Variants in PTPRB observed in about 807,000 individuals in gnomAD.
PTPRB encodes receptor-type tyrosine-protein phosphatase beta.
Under a neutral mutation model 238.1 loss-of-function variants are expected in PTPRB, and 97 were observed. The observed-to-expected ratio is 0.41, with a 90% CI of 0.35 to 0.48. PTPRB has a LOEUF of 0.48. PTPRB is among the 20% of genes least tolerant of loss of function. PTPRB has a pLI of 0.30. For missense variants in PTPRB, 2,292 were observed against 2,681.9 expected (o/e 0.85, Z 3.21); for synonymous variants, 970 against 995.4 (o/e 0.97, Z 0.48).
At chr12:70,634,329 T>C (rs1005301742) in intron 2 of PTPRB, among the ~76,000 whole-genome samples, 1 of 152,166 alleles carries the variant, frequency 6.6e-6, no homozygotes, top group Non-Finnish European at 1.5e-5. Flanking sequence ...TGGATCAAAA[T>C]TTTCTGGTGA....
rs750897734 is a variant in PTPRB at position 70,566,633 on chromosome 12, T to C, written c.3706A>G (p.Lys1236Glu). 11 of 1,614,038 alleles carry C rather than the reference T, an allele frequency of 6.8e-6. No homozygotes were observed. In the South Asian group the frequency reaches 7.7e-5, roughly 11 times the overall value. Residue 1236 changes from lysine (K) to glutamate (E), a missense_variant, in exon 15 of 34, where the codon AAA becomes GAA. By Grantham distance (56) the Lys-to-Glu change is moderately conservative (BLOSUM62 1). Around this residue, in one of 4 missense-constraint regions of PTPRB, gnomAD observed 683 missense variants for 862.0 expected, o/e 0.79. Coordinates refer to ENST00000334414, the MANE Select transcript of PTPRB (RefSeq NM_001109754.4). ...SSYSLIVSWQ[K>E]AAGVAERYDI... ...TATCTTTCTGCCACACCAGCAGCTT[T>C]TTGCCAACTTACTATTAAGGAATAA...
At chr12:70,583,237 CA>C (rs1003862451) in intron 9 of PTPRB, among the ~76,000 whole-genome samples, 9 of 152,050 alleles carry the variant, frequency 5.9e-5, no homozygotes, top group African/African-American at 2.2e-4. Context: ...AGGTCTAAAA[CA>C]ATGTCTTGGA....
At chr12:70,610,894 A>G (rs942223156) in intron 3 of PTPRB, among the ~76,000 whole-genome samples, 1 of 152,206 alleles carries the variant, frequency 6.6e-6, no homozygotes, top group African/African-American at 2.4e-5. Flanking sequence ...AGTTAAAAAA[A>G]AAATGGCATT....
chr12:70,612,312 A>G (rs893498174), intron 3 of PTPRB, among the ~76,000 whole-genome samples: 2 of 152,250 alleles, frequency 1.3e-5, no homozygotes, highest in Admixed American at 1.3e-4. Context: ...ACTTAACATG[A>G]GAAATCCAAG....
chr12:70,570,072 C>T, intron 13 of PTPRB, 134 bp from the exon 14 acceptor site: 1 of 850,294 alleles, frequency 1.2e-6, no homozygotes, highest in Non-Finnish European at 1.8e-6. Flanking sequence ...TAACAATTTG[C>T]CACTTTTCTC....
At chr12:70,590,286 T>C in intron 7 of PTPRB, 53 bp from the exon 8 acceptor site, 9 of 1,471,852 alleles carry the variant, frequency 6.1e-6, no homozygotes, top group Non-Finnish European at 7.3e-6. Context: ...AAAGTAAGGA[T>C]ACTCATTTAC....
At position 70,609,314 on chromosome 12, in the gene PTPRB, C is replaced by A; in HGVS notation, c.734G>T (p.Cys245Phe). The A allele has an allele frequency of 6.2e-7, 1 of 1,614,012 alleles. No individual in the cohort carries two copies. The highest frequency in any genetic ancestry group is 8.5e-7 in the Non-Finnish European group (1 of 1,179,886). The change falls in exon 4 of 34, where the codon TGT becomes TTT. Residue 245 changes from cysteine (C) to phenylalanine (F), a missense_variant. Cys to Phe is a radical substitution (Grantham distance 205). Coordinates refer to ENST00000334414, the MANE Select transcript of PTPRB (RefSeq NM_001109754.4). ...EETGLAEPER[C>F]NFTLAESKAS... Reference sequence around the variant, plus strand: ...CTTGGACTCCGCCAGGGTGAAGTTACATCTCTCTGGCTCCGCCAGTCCAGT... The same window carrying A: ...CTTGGACTCCGCCAGGGTGAAGTTAAATCTCTCTGGCTCCGCCAGTCCAGT...
At chr12:70,597,079 G>A (rs1038749127) in intron 4 of PTPRB, among the ~76,000 whole-genome samples, 6 of 151,642 alleles carry the variant, frequency 4.0e-5, no homozygotes, top group Non-Finnish European at 7.4e-5. Context: ...CACTGTGTCC[G>A]GTGAATTTTT....
chr12:70,544,553 T>G lies in PTPRB; in HGVS notation c.5494+4A>C. 6 of 1,598,098 alleles carry G rather than the reference T, an allele frequency of 3.8e-6. No homozygotes were observed. Among genetic ancestry groups the G allele is most frequent in the Non-Finnish European group, 5.1e-6 (6 of 1,166,294 alleles). ...GTAGAACATGATGTAAAGGTTAGCCTTACCTGATTCAGTAGTGATGGGTAA... is the reference window on the plus strand; with the variant it reads ...GTAGAACATGATGTAAAGGTTAGCCGTACCTGATTCAGTAGTGATGGGTAA... On this transcript the variant is annotated splice_donor_region_variant and intron_variant, in intron 22 of 33. Transcript: ENST00000334414.
At chr12:70,573,753 C>T (rs1408373959) in intron 11 of PTPRB, among the ~76,000 whole-genome samples, 1 of 151,374 alleles carries the variant, frequency 6.6e-6, no homozygotes, top group Non-Finnish European at 1.5e-5. Context: ...GATTCTCCCG[C>T]CTCGGCCTCC....
At chr12:70,592,621 A>G (rs1882603947) in intron 6 of PTPRB, 76 bp from the exon 7 acceptor site, 2 of 1,471,104 alleles carry the variant, frequency 1.4e-6, no homozygotes, top group East Asian at 2.3e-5. Context: ...TTGACCTGTA[A>G]TTTTATTTCT....
In PTPRB at chr12:70,622,556, A is replaced by G. The variant is rs1356601317; in HGVS notation, c.542T>C (p.Leu181Pro). The G allele has an allele frequency of 6.2e-7, 1 of 1,605,544 alleles. No individual in the cohort carries two copies. Among genetic ancestry groups the G allele is most frequent in the Admixed American group, 1.7e-5 (1 of 58,312 alleles). Residue 181 changes from leucine (L) to proline (P), a missense_variant, in exon 3 of 34, where the codon CTG (leucine) becomes CCG (proline). By Grantham distance (98) the Leu-to-Pro change is moderately conservative (BLOSUM62 -3). Coordinates refer to ENST00000334414, the MANE Select transcript of PTPRB (RefSeq NM_001109754.4). Reference sequence around the variant, plus strand: ...TGTGGTATTCCTAATAAGGAATACCAGGCCATCTGGAACTGCATTAAAGGT... The same window carrying G: ...TGTGGTATTCCTAATAAGGAATACCGGGCCATCTGGAACTGCATTAAAGGT... ...LTTFNAVPDG[L>P]VFLIRNTTEA... is the part of the protein sequence containing the mutation.
At chr12:70,540,767 A>T in intron 23 of PTPRB, 91 bp downstream of exon 23, 1 of 931,066 alleles carries the variant, frequency 1.1e-6, no homozygotes, top group Middle Eastern at 2.2e-4. Flanking sequence ...AAATTAAATT[A>T]TTTTCCCTTC....
intron 2 of PTPRB, among the ~76,000 whole-genome samples, chr12:70,625,785 G>T (rs892817474): frequency 2.6e-5 from 4 of 152,112 alleles, no homozygotes; most frequent in Non-Finnish European, 5.9e-5. Context: ...TTGTGTCATT[G>T]TTACTACATT....
At chr12:70,566,213 T>C (rs1592492474) in intron 15 of PTPRB, among the ~76,000 whole-genome samples, 1 of 152,164 alleles carries the variant, frequency 6.6e-6, no homozygotes, top group Non-Finnish European at 1.5e-5. Flanking sequence ...AGGAAGCTAA[T>C]AGCACCAATA....
intron 28 of PTPRB, among the ~76,000 whole-genome samples, chr12:70,537,838 T>C (rs1874408048): frequency 6.6e-6 from 1 of 152,182 alleles, no homozygotes; most frequent in Non-Finnish European, 1.5e-5. Flanking sequence ...TCAGCTTCTC[T>C]AGCTAGGCAG....
At position 70,590,042 on chromosome 12, in the gene PTPRB, G is replaced by A. The variant is rs1215350665; in HGVS notation, c.1972C>T (p.Pro658Ser). 5.6e-6 allele frequency: 9 copies of A among 1,613,870 alleles called. No homozygotes were observed. The highest frequency in any genetic ancestry group is 6.8e-6 in the Non-Finnish European group (8 of 1,179,866). The part of the protein sequence containing the change: ...QYVMDDTGLV[P>S]GRQYEVEVIV... The stretch of plus-strand genomic sequence containing the variant: ...ACTTCCACCTCATACTGTCTTCCCG[G>A]TACGAGCCCCGTGTCATCCATGACA... The change falls in exon 8 of 34, where the codon CCG (proline) becomes TCG (serine). Residue 658 changes from proline to serine, a missense_variant. Around this residue, in one of 4 missense-constraint regions of PTPRB, gnomAD observed 1,205 missense variants for 1,287.8 expected, o/e 0.94. Transcript: ENST00000334414.
At chr12:70,630,014 G>T (rs927112088) in intron 2 of PTPRB, among the ~76,000 whole-genome samples, 3 of 152,126 alleles carry the variant, frequency 2.0e-5, no homozygotes, top group African/African-American at 7.2e-5. Flanking sequence ...TCTACCAGAG[G>T]TACAAAGAGG....
At chr12:70,528,632 C>T (rs1422197638) in intron 32 of PTPRB, among the ~76,000 whole-genome samples, 1 of 152,096 alleles carries the variant, frequency 6.6e-6, no homozygotes, top group African/African-American at 2.4e-5. Flanking sequence ...ATAGTGAGAT[C>T]TTATCTCCCC....
Sources: gnomAD v4.1 joint callset for allele counts (sites outside exome capture counted in the v4.1 genomes callset) on GRCh38, gnomAD v4.1.1 for gene constraint, gnomAD v4.1.1 regional missense constraint, MANE v1.5 for transcripts, NCBI Gene and HGNC (gene_info 2026-07-23, HGNC 2026-07-21) for gene names.